NFASC: variants seen among roughly 807,000 people sequenced by gnomAD.
The protein encoded by NFASC is neurofascin homolog.
Under a neutral mutation model 147.5 loss-of-function variants are expected in NFASC, and 43 were observed. The observed-to-expected ratio is 0.29, with a 90% CI of 0.23 to 0.38. NFASC has a LOEUF of 0.38. Ranked by LOEUF, NFASC falls within the 10% of genes least tolerant of loss-of-function variation. The pLI, the probability that NFASC is intolerant of heterozygous loss-of-function variation, is 1.00. For synonymous variants in NFASC, 622 were observed against 665.5 expected (o/e 0.93, Z 1.01); for missense variants, 1,320 against 1,689.0 (o/e 0.78, Z 3.83).
At chr1:204,980,515 C>T in intron 20 of NFASC, 75 bp downstream of exon 20, 1 of 1,102,030 alleles carries the variant, frequency 9.1e-7, no homozygotes. Flanking sequence ...CCTTGATGCC[C>T]CGACACTACG....
rs530648332 is a variant in NFASC, at chr1:204,940,642, A to T, written c.-90-3584A>T. ...CCAAAGACAATCTGTGTTTTGTCTC[A>T]GTGTATGTATCTATTCTACAGATAA... is the stretch of plus-strand genomic sequence containing the variant. On this transcript the variant is annotated intron_variant, in intron 2 of 29. Coordinates refer to ENST00000339876, the MANE Select transcript of NFASC (RefSeq NM_001005388.3). Among the ~76,000 whole-genome samples, 61 of 152,292 alleles carry T rather than the reference A, an allele frequency of 4.0e-4. 1 individual carries two copies. The South Asian group carries it at 0.012, about 30-fold the overall frequency.
rs1290112793 is a variant in NFASC at position 204,950,497 on chromosome 1, G to A, written c.92-60G>A. The stretch of plus-strand genomic sequence containing the variant: ...GGGGCGTGAGGATGCCTGGGCGGTT[G>A]TGTGCATAACGATGTTCTTCTTTTC... On this transcript the variant is annotated intron_variant, in intron 3 of 29. Transcript: ENST00000339876. The A allele has an allele frequency of 5.9e-6, 9 of 1,538,400 alleles. 1 individual carries two copies. Among genetic ancestry groups the A allele is most frequent in the African/African-American group, 4.1e-5 (3 of 73,492 alleles).
At chr1:204,959,886 A>C (rs1195248756) in intron 8 of NFASC, among the ~76,000 whole-genome samples, 1 of 152,236 alleles carries the variant, frequency 6.6e-6, no homozygotes, top group African/African-American at 2.4e-5. Context: ...TTAATTCTTC[A>C]TTTCTAGGTC....
chr1:205,017,659 C>T lies in NFASC; in HGVS notation c.*1120C>T, dbSNP rs926461218. ...GGTGTGTTTGGGGCATAAGGCACTGCTCCCCTTCCATCTCTAGCAGATATC... is the reference window on the plus strand; with the variant it reads ...GGTGTGTTTGGGGCATAAGGCACTGTTCCCCTTCCATCTCTAGCAGATATC... On this transcript the variant is annotated 3_prime_UTR_variant, in exon 30 of 30. Coordinates refer to ENST00000339876, the MANE Select transcript of NFASC (RefSeq NM_001005388.3). The T allele has an allele frequency of 1.3e-5, 2 of 152,734 alleles. No individual in the cohort carries two copies. Among genetic ancestry groups the T allele is most frequent in the Non-Finnish European group, 2.9e-5 (2 of 68,080 alleles). The allele number at this position is 152,734 out of a possible 1,614,324, so 9.5% of individuals were successfully genotyped here.
chr1:205,012,498 T>C (rs1005568029), intron 28 of NFASC, among the ~76,000 whole-genome samples: 1 of 152,152 alleles, frequency 6.6e-6, no homozygotes, highest in Non-Finnish European at 1.5e-5. Context: ...TCACATCTGT[T>C]TGGTCTTTTG....
chr1:204,848,355 A>T (rs2075364060), intron 1 of NFASC, among the ~76,000 whole-genome samples: 1 of 152,138 alleles, frequency 6.6e-6, no homozygotes, highest in Admixed American at 6.5e-5. Context: ...TCAGCCTCCT[A>T]AGTAGCTAGG....
At chr1:205,002,285 A>G (rs6661192) in intron 26 of NFASC, among the ~76,000 whole-genome samples, 35,022 of 152,198 alleles carry the variant, frequency 0.23, 4,187 homozygotes, top group South Asian at 0.32. Flanking sequence ...GCAACAGAGC[A>G]TCTGCTGACA....
rs16854867 is a variant in NFASC, at chr1:204,983,413, T to C, written c.2470+1393T>C. Among the ~76,000 whole-genome samples the C allele has an allele frequency of 5.5e-3, 839 of 152,220 alleles. 12 individuals carry two copies. Among genetic ancestry groups the C allele is most frequent in the South Asian group, 0.011 (54 of 4,812 alleles). ...GAGAGTTGGAGGGAAAACGGCAAGA[T>C]ACGTGATCCACCTTAAAGGCTGGCA... On this transcript the variant is annotated intron_variant, in intron 21 of 29. Coordinates refer to ENST00000339876, the MANE Select transcript of NFASC (RefSeq NM_001005388.3).
intron 1 of NFASC, among the ~76,000 whole-genome samples, chr1:204,903,136 A>C (rs533301270): frequency 1.3e-5 from 2 of 152,292 alleles, no homozygotes; most frequent in South Asian, 4.2e-4. Context: ...CTACCCCCAC[A>C]AGTTTTGACC....
chr1:204,987,444 G>A lies in NFASC; in HGVS notation c.2497G>A (p.Val833Ile), dbSNP rs1558381750. ...DLPSAPRRFRVRQPNLETINL... is the reference protein window; with the variant it reads ...DLPSAPRRFRIRQPNLETINL... The stretch of plus-strand genomic sequence containing the variant: ...ACCCAGTGCCCCTAGGCGTTTCCGA[G>A]TCCGGCAGCCCAACCTGGAGACAAT... Residue 833 changes from valine (V) to isoleucine (I), a missense_variant, in exon 22 of 30, where the codon GTC becomes ATC. Transcript: ENST00000339876. The surrounding 1 kb of genome is among the most constrained non-coding windows in gnomAD (Gnocchi z 4.4). 10 of 1,613,902 alleles carry A rather than the reference G, an allele frequency of 6.2e-6. No homozygotes were observed. Among genetic ancestry groups the A allele is most frequent in the Non-Finnish European group, 8.5e-6 (10 of 1,179,992 alleles).
intron 1 of NFASC, among the ~76,000 whole-genome samples, chr1:204,842,309 C>T (rs950027940): frequency 3.3e-5 from 5 of 152,236 alleles, no homozygotes; most frequent in Non-Finnish European, 5.9e-5. Context: ...GCCAGTTTTA[C>T]ACCACCCAGA....
At chr1:204,856,656 T>C (rs1035755087) in intron 1 of NFASC, among the ~76,000 whole-genome samples, 6 of 152,134 alleles carry the variant, frequency 3.9e-5, no homozygotes, top group African/African-American at 1.4e-4. Flanking sequence ...CCCATACCCA[T>C]TGAAAAGTCA....
chr1:204,918,547 T>A (rs2149409779), intron 1 of NFASC, among the ~76,000 whole-genome samples: 1 of 152,192 alleles, frequency 6.6e-6, no homozygotes, highest in East Asian at 1.9e-4. Flanking sequence ...GGTTCATTTG[T>A]TTCATTTTAT....
At chr1:204,936,356 C>A (rs1019834247) in intron 2 of NFASC, among the ~76,000 whole-genome samples, 4 of 151,966 alleles carry the variant, frequency 2.6e-5, no homozygotes, top group Non-Finnish European at 4.4e-5. Context: ...CGTGCACCCC[C>A]ACGCCTGGCT....
intron 1 of NFASC, among the ~76,000 whole-genome samples, chr1:204,842,311 C>T (rs1675573049): frequency 6.6e-6 from 1 of 152,248 alleles, no homozygotes; most frequent in Non-Finnish European, 1.5e-5. Flanking sequence ...CAGTTTTACA[C>T]CACCCAGAAC....
In NFASC at chr1:204,979,188, C is replaced by T; in HGVS notation, c.1978+119C>T. The T allele has an allele frequency of 2.0e-6, 2 of 994,590 alleles. No individual in the cohort carries two copies. The highest frequency in any genetic ancestry group is 3.0e-6 in the Non-Finnish European group (2 of 657,200). 61.6% of individuals were successfully genotyped at this position (994,590 alleles called of 1,614,324 possible). ...TCGCTTGATGTGTGTCCTGGGCTAACCTCAGAATGTACAGAGGCCTTGGTG... is the reference window on the plus strand; with the variant it reads ...TCGCTTGATGTGTGTCCTGGGCTAATCTCAGAATGTACAGAGGCCTTGGTG... On this transcript the variant is annotated intron_variant, in intron 18 of 29. Transcript: ENST00000339876. The surrounding 1 kb of genome is among the most constrained non-coding windows in gnomAD (Gnocchi z 6.0).
At chr1:204,967,974 A>T in intron 8 of NFASC, 1 of 344,770 alleles carries the variant, frequency 2.9e-6, no homozygotes, top group Non-Finnish European at 5.5e-6. Flanking sequence ...TCCCCGTTCC[A>T]GGGAAGGGGA....
At chr1:204,966,946 A>G (rs1184231700) in intron 8 of NFASC, among the ~76,000 whole-genome samples, 1 of 152,222 alleles carries the variant, frequency 6.6e-6, no homozygotes, top group African/African-American at 2.4e-5. Context: ...CCGCCGGTGC[A>G]GCCAGGCCCC....
rs1352958182 is a variant in NFASC, at chr1:205,010,781, T to C, written c.3421+1093T>C. On this transcript the variant is annotated intron_variant, in intron 28 of 29. Transcript: ENST00000339876. The surrounding 1 kb of genome is among the most constrained non-coding windows in gnomAD (Gnocchi z 4.1). ...AGCTGGGTGTTTTGGCACGTGCCTA[T>C]AATCCCAGCTACTCAGGAGGCTGAG... is the stretch of plus-strand genomic sequence containing the variant. The C allele has an allele frequency of 6.6e-6, 1 of 151,642 alleles. No individual in the cohort carries two copies. The highest frequency in any genetic ancestry group is 1.5e-5 in the Non-Finnish European group (1 of 67,982). 9.4% of individuals were successfully genotyped at this position (151,642 alleles called of 1,614,324 possible). A position where few individuals can be genotyped will look rare whatever the true frequency, so the allele number is the denominator to read the frequency against.
Sources: gnomAD v4.1 joint callset for allele counts (sites outside exome capture counted in the v4.1 genomes callset) on GRCh38, gnomAD v4.1.1 for gene constraint, Gnocchi (gnomAD v3.1) non-coding constraint, MANE v1.5 for transcripts, NCBI Gene and HGNC (gene_info 2026-07-23, HGNC 2026-07-21) for gene names.